ARRDC4: variants seen among roughly 807,000 people sequenced by gnomAD.
The protein encoded by ARRDC4 is arrestin domain containing 4, also known as arrestin domain-containing protein 4.
In ARRDC4, 40 loss-of-function variants were observed where a neutral mutation model predicts 44.6. The observed-to-expected ratio is 0.90, with a 90% CI of 0.70 to 1.17. ARRDC4 has a LOEUF of 1.17. Among genes scored for constraint, ARRDC4 ranks in the 50% most tolerant of loss-of-function variants. The probability of loss-of-function intolerance (pLI) is 0.00; values close to 1 mark genes in which losing one functional copy is unlikely to be tolerated. For missense variants in ARRDC4, 550 were observed against 559.1 expected (o/e 0.98, Z 0.16); for synonymous variants, 211 against 221.2 (o/e 0.95, Z 0.41).
rs769394444 is a variant in ARRDC4, at chr15:97,969,291, A to G, written c.794A>G (p.Asp265Gly). 1.2e-6 allele frequency: 2 copies of G among 1,613,856 alleles called. No homozygotes were observed. Among genetic ancestry groups the G allele is most frequent in the Admixed American group, 3.3e-5 (2 of 59,942 alleles). ...RGNHIASGST[D>G]TWNGKTLKIP... is the part of the protein sequence containing the mutation. ...AACCACATCGCTTCTGGGAGCACAG[A>G]CACATGGAATGGGAAAACGCTAAAA... Residue 265 changes from aspartate (D) to glycine (G), a missense_variant, in exon 5 of 8, where the codon GAC becomes GGC. Physicochemically the swap from Asp to Gly is moderately conservative, Grantham distance 94. Transcript: ENST00000268042.
chr15:97,969,521 C>T, intron 5 of ARRDC4, 142 bp downstream of exon 5: 1 of 985,026 alleles, frequency 1.0e-6, no homozygotes, highest in African/African-American at 1.6e-5. Context: ...GAAGATTGGC[C>T]CTTGTTTTTA....
Position 97,970,746 on chromosome 15 carries a change from A to G in ARRDC4, c.1200+3A>G. On this transcript the variant is annotated splice_donor_region_variant and intron_variant, in intron 7 of 7. Coordinates refer to ENST00000268042, the MANE Select transcript of ARRDC4 (RefSeq NM_183376.3). The surrounding 1 kb of genome is among the most constrained non-coding windows in gnomAD (Gnocchi z 4.2). The stretch of plus-strand genomic sequence containing the variant: ...AACCCCCACCTCTTTATTCAGAGGT[A>G]AGCAAAGCAAAAGAAAATTAGACTT... 1 of 1,604,520 alleles carries G rather than the reference A, an allele frequency of 6.2e-7. No individual in the cohort carries two copies. The highest frequency in any genetic ancestry group is 8.5e-7 in the Non-Finnish European group (1 of 1,176,402).
chr15:97,961,235 G>A, intron 1 of ARRDC4, 67 bp downstream of exon 1: 2 of 1,312,326 alleles, frequency 1.5e-6, no homozygotes, highest in Non-Finnish European at 1.9e-6. Context: ...CTGGGAGGCC[G>A]CGCACCCTCG....
At chr15:97,962,967 A>G (rs1422320652) in intron 1 of ARRDC4, among the ~76,000 whole-genome samples, 1 of 152,210 alleles carries the variant, frequency 6.6e-6, no homozygotes, top group Non-Finnish European at 1.5e-5. Context: ...AATCTAATTC[A>G]ACTACTTGCT....
rs189750736 is a variant in ARRDC4 at position 97,971,160 on chromosome 15, G to A, written c.1230G>A (p.Glu410=). ...EVDPHPSDVE[E]SQPVSFIL ...ACCCACATCCTAGCGACGTAGAAGA[G>A]AGCCAGCCTGTTTCCTTCATTCTCT... The change falls in exon 8 of 8, where the codon GAG becomes GAA. Residue 410 remains glutamate (E), a synonymous_variant. Transcript: ENST00000268042. The A allele has an allele frequency of 9.3e-6, 15 of 1,613,386 alleles. No individual in the cohort carries two copies. The highest frequency in any genetic ancestry group is 1.3e-5 in the Non-Finnish European group (15 of 1,179,412).
chr15:97,970,045 G>A lies in ARRDC4; in HGVS notation c.1045G>A (p.Ala349Thr). 1 of 1,602,008 alleles carries A rather than the reference G, an allele frequency of 6.2e-7. No individual in the cohort carries two copies. The highest frequency in any genetic ancestry group is 1.3e-5 in the African/African-American group (1 of 74,584). The change falls in exon 6 of 8, where the codon GCA becomes ACA. Residue 349 changes from alanine to threonine, a missense_variant and splice_region_variant. By Grantham distance (58) the Ala-to-Thr change is moderately conservative. Transcript: ENST00000268042. This position sits in a 1 kb window ranked among gnomAD's most constrained non-coding sequence, Gnocchi z 4.2. ...ACTGACCCTGCCAGAGCAGCCTGAA[G>A]GTAAAATATGTTGGCGTTCTTTCAT... ...LTLTLPEQPE[A>T]PPNYADVVSE...
chr15:97,961,820 C>T (rs907456293), intron 1 of ARRDC4, among the ~76,000 whole-genome samples: 4 of 152,138 alleles, frequency 2.6e-5, no homozygotes, highest in African/African-American at 7.2e-5. Context: ...CCGCTTCTTC[C>T]CCTCTCCCCC....
intron 1 of ARRDC4, among the ~76,000 whole-genome samples, chr15:97,962,046 C>T (rs1899332719): frequency 6.6e-6 from 1 of 152,182 alleles, no homozygotes; most frequent in African/African-American, 2.4e-5. Flanking sequence ...TTACTCATTT[C>T]ATGGATGGAA....
rs139424082 is a variant in ARRDC4, at chr15:97,967,294, T to TA, written c.523-710dup. Among the ~76,000 whole-genome samples, 146 of 150,280 alleles carry TA rather than the reference T, an allele frequency of 9.7e-4. 2 individuals carry two copies. In the East Asian group the frequency reaches 0.022, roughly 23 times the overall value. On this transcript the variant is annotated intron_variant, in intron 3 of 7. Transcript: ENST00000268042. The surrounding 1 kb of genome is among the most constrained non-coding windows in gnomAD (Gnocchi z 5.0). ...GATCCCTTACGATTCTTTATATAAA[T>TA]AAAAAAAAAATATTGCAAGTAACTG...
In ARRDC4 at chr15:97,973,722, T is replaced by A. The variant is rs140666725; in HGVS notation, c.*2535T>A. 1 of 152,692 alleles carries A rather than the reference T, an allele frequency of 6.5e-6. No homozygotes were observed. The highest frequency in any genetic ancestry group is 1.9e-4 in the East Asian group (1 of 5,182). The allele number at this position is 152,692 out of a possible 1,614,324, so 9.5% of individuals were successfully genotyped here. On this transcript the variant is annotated 3_prime_UTR_variant, in exon 8 of 8. Coordinates refer to ENST00000268042, the MANE Select transcript of ARRDC4 (RefSeq NM_183376.3). ...TTTTGGTAAGTTAACTATGAAAGCTTTCTTATTTTTATTATTAAAAATGTA... is the reference window on the plus strand; with the variant it reads ...TTTTGGTAAGTTAACTATGAAAGCTATCTTATTTTTATTATTAAAAATGTA...
At position 97,965,732 on chromosome 15, in the gene ARRDC4, G is replaced by A; in HGVS notation, c.374+66G>A. 6.6e-7 allele frequency: 1 copy of A among 1,513,374 alleles called. No individual in the cohort carries two copies. The highest frequency in any genetic ancestry group is 9.2e-7 in the Non-Finnish European group (1 of 1,088,858). The allele number at this position is 1,513,374 out of a possible 1,614,324, so 93.7% of individuals were successfully genotyped here. A position where few individuals can be genotyped will look rare whatever the true frequency, so the allele number is the denominator to read the frequency against. Reference sequence around the variant, plus strand: ...AGTATGTCCATTCAAGTTTATCACTGCTAGGTCTCTTCTGATTCTCAAGTA... The same window carrying A: ...AGTATGTCCATTCAAGTTTATCACTACTAGGTCTCTTCTGATTCTCAAGTA... On this transcript the variant is annotated intron_variant, in intron 2 of 7. Coordinates refer to ENST00000268042, the MANE Select transcript of ARRDC4 (RefSeq NM_183376.3). This position sits in a 1 kb window ranked among gnomAD's most constrained non-coding sequence, Gnocchi z 5.1.
At chr15:97,969,407 A>C (rs767533687) in intron 5 of ARRDC4, 28 bp downstream of exon 5, 72 of 1,606,388 alleles carry the variant, frequency 4.5e-5, no homozygotes, top group Non-Finnish European at 5.4e-5. Flanking sequence ...TTAAAAAAAA[A>C]TGTGTATGAT....
At position 97,970,155 on chromosome 15, in the gene ARRDC4, G is replaced by C; in HGVS notation, c.1045+110G>C. On this transcript the variant is annotated intron_variant, in intron 6 of 7. Coordinates refer to ENST00000268042, the MANE Select transcript of ARRDC4 (RefSeq NM_183376.3). This position sits in a 1 kb window ranked among gnomAD's most constrained non-coding sequence, Gnocchi z 4.2. Reference sequence around the variant, plus strand: ...ATGTTGATGAGTACTGCTACTATAGGTATCTTTATTCCTACTACTAAAAAA... The same window carrying C: ...ATGTTGATGAGTACTGCTACTATAGCTATCTTTATTCCTACTACTAAAAAA... The C allele has an allele frequency of 1.7e-6, 2 of 1,156,046 alleles. No homozygotes were observed. Among genetic ancestry groups the C allele is most frequent in the Non-Finnish European group, 2.3e-6 (2 of 857,648 alleles). The allele number at this position is 1,156,046 out of a possible 1,614,324, so 71.6% of individuals were successfully genotyped here.
In ARRDC4 at chr15:97,961,186, C is replaced by G. The variant is rs958923641; in HGVS notation, c.307+18C>G. On this transcript the variant is annotated intron_variant, in intron 1 of 7. Coordinates refer to ENST00000268042, the MANE Select transcript of ARRDC4 (RefSeq NM_183376.3). ...CCCGGCCGGTAAGCGCAGGCGAGCGCCTGGGGTTCCCCCGCCAGGCTGCGG... is the reference window on the plus strand; with the variant it reads ...CCCGGCCGGTAAGCGCAGGCGAGCGGCTGGGGTTCCCCCGCCAGGCTGCGG... 3 of 1,386,878 alleles carry G rather than the reference C, an allele frequency of 2.2e-6. No individual in the cohort carries two copies. Among genetic ancestry groups the G allele is most frequent in the East Asian group, 3.1e-5 (1 of 32,586 alleles). 85.9% of individuals were successfully genotyped at this position (1,386,878 alleles called of 1,614,324 possible).
intron 1 of ARRDC4, among the ~76,000 whole-genome samples, chr15:97,961,415 C>G (rs184697643): frequency 1.2e-3 from 175 of 152,136 alleles, no homozygotes; most frequent in Admixed American, 2.7e-3. Context: ...TCTAGGACCG[C>G]GACGGGAGGG....
chr15:97,962,637 A>G (rs1396017928), intron 1 of ARRDC4, among the ~76,000 whole-genome samples: 1 of 152,232 alleles, frequency 6.6e-6, no homozygotes, highest in African/African-American at 2.4e-5. Flanking sequence ...ACACACATAT[A>G]TACACATGTG....
At chr15:97,969,466 A>C in intron 5 of ARRDC4, 87 bp downstream of exon 5, 1 of 1,460,156 alleles carries the variant, frequency 6.8e-7, no homozygotes, top group Non-Finnish European at 9.3e-7. Flanking sequence ...GTTGCCTATA[A>C]AAATGTCATT....
At chr15:97,964,680 A>G (rs1018090166) in intron 1 of ARRDC4, among the ~76,000 whole-genome samples, 1 of 152,202 alleles carries the variant, frequency 6.6e-6, no homozygotes, top group African/African-American at 2.4e-5. Flanking sequence ...GGCCCTGGCC[A>G]TGCTTGGTAA....
Position 97,971,296 on chromosome 15 carries a change from C to T in ARRDC4, c.*109C>T, listed in dbSNP as rs71399850. On this transcript the variant is annotated 3_prime_UTR_variant, in exon 8 of 8. Transcript: ENST00000268042. The stretch of plus-strand genomic sequence containing the variant: ...AGATTCACTTGAAAACATAAATGAA[C>T]GTCAAGACTGAAGGCAATAGAAATT... 2.0e-3 allele frequency: 2,230 copies of T among 1,116,788 alleles called. 4 individuals carry two copies. The highest frequency in any genetic ancestry group is 2.6e-3 in the Non-Finnish European group (1,968 of 749,810). 69.2% of individuals were successfully genotyped at this position (1,116,788 alleles called of 1,614,324 possible).
Sources: gnomAD v4.1 joint callset for allele counts (sites outside exome capture counted in the v4.1 genomes callset) on GRCh38, gnomAD v4.1.1 for gene constraint, Gnocchi (gnomAD v3.1) non-coding constraint, MANE v1.5 for transcripts, NCBI Gene and HGNC (gene_info 2026-07-23, HGNC 2026-07-21) for gene names.